ERICH6B: variants seen among roughly 807,000 people sequenced by gnomAD.
The protein encoded by ERICH6B is glutamate-rich protein 6B.
A neutral mutation model predicts 80.0 loss-of-function variants in ERICH6B; 69 were observed. That is an observed-to-expected ratio of 0.86 (90% CI 0.71 to 1.05). The LOEUF is 1.05. Ranked by LOEUF, ERICH6B falls within the 50% of genes least tolerant of loss-of-function variation. The pLI is 0.00. For synonymous variants in ERICH6B, 283 were observed against 291.9 expected, an observed-to-expected ratio of 0.97 and a Z score of 0.31; for missense variants, 754 against 796.1, an observed-to-expected ratio of 0.95 and a Z score of 0.64.
intron 2 of ERICH6B, among the ~76,000 whole-genome samples, chr13:45,599,448 A>G (rs1277911366): frequency 6.6e-6 from 1 of 152,242 alleles, no homozygotes; most frequent in East Asian, 1.9e-4. Flanking sequence ...GAATAGAACC[A>G]TTCTACAAAC....
intron 2 of ERICH6B, among the ~76,000 whole-genome samples, chr13:45,606,503 GTGTATATATATATA>G (rs1566307637): frequency 0.015 from 489 of 32,632 alleles, 20 homozygotes; most frequent in Admixed American, 0.022. Flanking sequence ...AAAAGTGTAT[GTGTATATATATATA>G]TATATATATA....
At chr13:45,586,980 AAT>A (rs911283260) in intron 5 of ERICH6B, 81 bp downstream of exon 5, 2 of 1,401,008 alleles carry the variant, frequency 1.4e-6, no homozygotes, top group Non-Finnish European at 1.9e-6. Flanking sequence ...CTCGAGCCAC[AAT>A]ATTTCACATG....
Position 45,596,924 on chromosome 13 carries a change from G to A in ERICH6B, c.82C>T (p.Pro28Ser), listed in dbSNP as rs1211562878. The A allele has an allele frequency of 1.3e-6, 2 of 1,551,654 alleles. No homozygotes were observed. Among genetic ancestry groups the A allele is most frequent in the East Asian group, 2.4e-5 (1 of 40,934 alleles). Residue 28 changes from proline to serine, a missense_variant, in exon 3 of 15, where the codon CCT (proline) becomes TCT (serine). Pro to Ser is a moderately conservative substitution (Grantham distance 74). Transcript: ENST00000298738. ...ACTTCAGTATCCTCTTTCTCTGAAGGCAAGTTCTGTGTGGAATATTGGGGA... is the reference window on the plus strand; with the variant it reads ...ACTTCAGTATCCTCTTTCTCTGAAGACAAGTTCTGTGTGGAATATTGGGGA... ...TTPQYSTQNL[P>S]SEKEDTEVEL... is the part of the protein sequence containing the mutation.
At chr13:45,547,492 C>T (rs374047194) in intron 13 of ERICH6B, among the ~76,000 whole-genome samples, 12 of 152,184 alleles carry the variant, frequency 7.9e-5, no homozygotes, top group South Asian at 2.1e-4. Flanking sequence ...CAGGTGGCTA[C>T]GGACTTCCTG....
At chr13:45,572,760 A>T (rs1024430706) in intron 8 of ERICH6B, among the ~76,000 whole-genome samples, 27 of 152,218 alleles carry the variant, frequency 1.8e-4, no homozygotes, top group Non-Finnish European at 3.8e-4. Flanking sequence ...AACCCTCACA[A>T]ATCAGAAAGA....
intron 11 of ERICH6B, chr13:45,553,163 C>T (rs765072562): frequency 1.7e-4 from 46 of 268,290 alleles, no homozygotes; most frequent in African/African-American, 5.0e-4. Context: ...TATTAGTCAC[C>T]GTTTTTGACA....
intron 3 of ERICH6B, among the ~76,000 whole-genome samples, chr13:45,592,138 G>T (rs1009206903): frequency 1.4e-4 from 21 of 152,186 alleles, no homozygotes; most frequent in African/African-American, 5.1e-4. Flanking sequence ...GAAATGGGCA[G>T]GAAGAGATAA....
chr13:45,611,016 A>C (rs987563776), intron 1 of ERICH6B, among the ~76,000 whole-genome samples: 4 of 152,142 alleles, frequency 2.6e-5, no homozygotes, highest in Non-Finnish European at 5.9e-5. Flanking sequence ...GTTTTACCAT[A>C]AGTAATCATG....
intron 2 of ERICH6B, among the ~76,000 whole-genome samples, chr13:45,597,933 G>T (rs1876471078): frequency 6.6e-6 from 1 of 152,064 alleles, no homozygotes; most frequent in Non-Finnish European, 1.5e-5. Context: ...CTGAATTACT[G>T]GGTTTCCTGA....
intron 9 of ERICH6B, among the ~76,000 whole-genome samples, chr13:45,565,239 A>G (rs1352277892): frequency 4.6e-5 from 7 of 152,084 alleles, no homozygotes; most frequent in Non-Finnish European, 8.8e-5. Flanking sequence ...CTGAGTCCAC[A>G]GTGGAAGTCA....
intron 9 of ERICH6B, 46 bp from the exon 10 acceptor site, chr13:45,563,834 G>C: frequency 1.4e-6 from 2 of 1,457,456 alleles, no homozygotes; most frequent in Non-Finnish European, 1.9e-6. Flanking sequence ...CTAAGTTCAC[G>C]CATACATGCC....
chr13:45,569,352 C>T (rs1054148953), intron 8 of ERICH6B, among the ~76,000 whole-genome samples: 7 of 152,198 alleles, frequency 4.6e-5, no homozygotes, highest in African/African-American at 1.7e-4. Context: ...TCTTGAACTC[C>T]TGGCCTCAAG....
rs1005864875 is a variant in ERICH6B at position 45,597,063 on chromosome 13, C to A, written c.-58G>T. 2 of 1,465,306 alleles carry A rather than the reference C, an allele frequency of 1.4e-6. No individual in the cohort carries two copies. Among genetic ancestry groups the A allele is most frequent in the African/African-American group, 1.4e-5 (1 of 70,126 alleles). 90.8% of individuals were successfully genotyped at this position (1,465,306 alleles called of 1,614,324 possible). ...GCAGCAGCCAACGTCACTTTATTAT[C>A]CTGTATCCAAGAAAGGAATAAAATC... On this transcript the variant is annotated splice_region_variant and 5_prime_UTR_variant, in exon 3 of 15. Transcript: ENST00000298738.
intron 14 of ERICH6B, among the ~76,000 whole-genome samples, chr13:45,543,775 T>C (rs1405613879): frequency 6.6e-6 from 1 of 152,188 alleles, no homozygotes; most frequent in African/African-American, 2.4e-5. Context: ...GGTCGTCTCC[T>C]GCCTGCCTGG....
At chr13:45,605,229 G>A (rs1949850990) in intron 2 of ERICH6B, among the ~76,000 whole-genome samples, 1 of 152,188 alleles carries the variant, frequency 6.6e-6, no homozygotes, top group Non-Finnish European at 1.5e-5. Context: ...GAGCCCTGCT[G>A]CCTGTACCCT....
intron 14 of ERICH6B, among the ~76,000 whole-genome samples, chr13:45,543,785 G>A (rs543770721): frequency 2.4e-4 from 36 of 152,136 alleles, no homozygotes; most frequent in African/African-American, 7.2e-5. Context: ...TGCCTGCCTG[G>A]GGAGTGTGCC....
intron 5 of ERICH6B, among the ~76,000 whole-genome samples, chr13:45,581,910 A>C (rs756206208): frequency 1.3e-5 from 2 of 152,196 alleles, no homozygotes; most frequent in Non-Finnish European, 2.9e-5. Flanking sequence ...ATTTCAAGAA[A>C]ACTCACTGTG....
At position 45,606,547 on chromosome 13, in the gene ERICH6B, A is replaced by ATTTTT. The variant is rs71074722; in HGVS notation, c.-59+1012_-59+1016dup. Reference sequence around the variant, plus strand: ...TATATATATATATATATATATATATATTTTTTTTTTTTTTTTTTTTTTTGG... The same window carrying ATTTTT: ...TATATATATATATATATATATATATATTTTTTTTTTTTTTTTTTTTTTTTTTTTGG... On this transcript the variant is annotated intron_variant, in intron 2 of 14. Coordinates refer to ENST00000298738, the MANE Select transcript of ERICH6B (RefSeq NM_182542.3). Among the ~76,000 whole-genome samples, 37 of 16,586 alleles carry ATTTTT rather than the reference A, an allele frequency of 2.2e-3. 2 individuals carry two copies. The highest frequency in any genetic ancestry group is 7.3e-3 in the East Asian group (2 of 274). The allele number at this position is 16,586 out of a possible 152,430, so 10.9% of individuals were successfully genotyped here. A position where few individuals can be genotyped will look rare whatever the true frequency, so the allele number is the denominator to read the frequency against.
At chr13:45,569,906 C>A (rs1875080172) in intron 8 of ERICH6B, among the ~76,000 whole-genome samples, 1 of 152,204 alleles carries the variant, frequency 6.6e-6, no homozygotes, top group Non-Finnish European at 1.5e-5. Flanking sequence ...CTAAATTCCT[C>A]ATTGTTGACA....
Sources: allele counts gnomAD v4.1 joint callset (sites outside exome capture counted in the v4.1 genomes callset), GRCh38; gene constraint gnomAD v4.1.1; transcripts MANE v1.5; gene names NCBI Gene and HGNC (gene_info 2026-07-23, HGNC 2026-07-21).